PLA2G5: variants seen among roughly 807,000 people sequenced by gnomAD.
PLA2G5 encodes the protein Ca2+-dependent phospholipase A2.
In PLA2G5, 12 loss-of-function variants were observed where a neutral mutation model predicts 15.9. That is an observed-to-expected ratio of 0.76 (90% CI 0.48 to 1.23). PLA2G5 has a LOEUF of 1.23. PLA2G5 is among the 50% of genes most tolerant of loss of function. PLA2G5 has a pLI of 0.00. For missense variants in PLA2G5, 169 were observed against 177.1 expected (o/e 0.95, Z 0.26); for synonymous variants, 71 against 71.4 (o/e 0.99, Z 0.03).
At chr1:20,081,074 T>A (rs1013581118) in intron 1 of PLA2G5, among the ~76,000 whole-genome samples, 2 of 151,924 alleles carry the variant, frequency 1.3e-5, no homozygotes, top group Non-Finnish European at 2.9e-5. Context: ...GACCCGTCCC[T>A]TGGCAACCTG....
upstream of PLA2G5, chr1:20,068,939 G>C (rs775739221): frequency 1.6e-6 from 2 of 1,289,212 alleles, no homozygotes; most frequent in South Asian, 1.2e-5. Flanking sequence ...GCAGAGCCAG[G>C]AAGGACCCGG....
In PLA2G5 at chr1:20,090,871, C is replaced by G. The variant is rs1161940170; in HGVS notation, c.*179C>G. On this transcript the variant is annotated 3_prime_UTR_variant, in exon 5 of 5. Coordinates refer to ENST00000375108, the MANE Select transcript of PLA2G5 (RefSeq NM_000929.3). Reference sequence around the variant, plus strand: ...TCCAGCGAGTCCCAGGAGAGTGACTCTGGTCATAGGACTTGGTAGGGTCCC... The same window carrying G: ...TCCAGCGAGTCCCAGGAGAGTGACTGTGGTCATAGGACTTGGTAGGGTCCC... 3.2e-6 allele frequency: 2 copies of G among 627,834 alleles called. No individual in the cohort carries two copies. Among genetic ancestry groups the G allele is most frequent in the Non-Finnish European group, 2.8e-6 (1 of 362,216 alleles). 38.9% of individuals were successfully genotyped at this position (627,834 alleles called of 1,614,324 possible).
intron 1 of PLA2G5, among the ~76,000 whole-genome samples, chr1:20,041,000 A>G (rs971744519): frequency 6.6e-6 from 1 of 152,232 alleles, no homozygotes; most frequent in African/African-American, 2.4e-5. Flanking sequence ...ATGTATAAAA[A>G]CAAACTGTGC....
rs115129619 is a variant in PLA2G5, at chr1:20,048,202, C to G, written n.277-11430C>G. Among the ~76,000 whole-genome samples the G allele has an allele frequency of 3.3e-3, 503 of 152,156 alleles. 4 individuals are homozygous for G. Among genetic ancestry groups the G allele is most frequent in the African/African-American group, 0.012 (487 of 41,520 alleles). Reference sequence around the variant, plus strand: ...TATCAGGAAAAAAGAAAAGAGTAGTCAAATGCTTTTTCAAGTTTAATAACT... The same window carrying G: ...TATCAGGAAAAAAGAAAAGAGTAGTGAAATGCTTTTTCAAGTTTAATAACT... On this transcript the variant is annotated intron_variant and non_coding_transcript_variant, in intron 1 of 6. Coordinates refer to the PLA2G5 transcript ENST00000460175.
intron 1 of PLA2G5, among the ~76,000 whole-genome samples, chr1:20,082,967 A>G (rs2016106299): frequency 6.6e-6 from 1 of 152,014 alleles, no homozygotes; most frequent in Non-Finnish European, 1.5e-5. Context: ...TTCATTGAAC[A>G]AGTGACTGTT....
At chr1:20,087,996 T>C (rs1269497996) in intron 3 of PLA2G5, among the ~76,000 whole-genome samples, 1 of 152,160 alleles carries the variant, frequency 6.6e-6, no homozygotes, top group Admixed American at 6.5e-5. Flanking sequence ...GTCTAACCAG[T>C]ACCCCCTCAA....
chr1:20,032,582 A>G (rs2013018815), intron 1 of PLA2G5, among the ~76,000 whole-genome samples: 1 of 152,094 alleles, frequency 6.6e-6, no homozygotes. Context: ...CCTTAGTAAT[A>G]TCTTTGAGAT....
At chr1:20,084,471 T>C (rs2016186896) in intron 1 of PLA2G5, among the ~76,000 whole-genome samples, 1 of 152,204 alleles carries the variant, frequency 6.6e-6, no homozygotes. Flanking sequence ...CAAGTCCTGC[T>C]TCTCCACGTA....
At chr1:20,034,337 A>T (rs954939665) in intron 1 of PLA2G5, among the ~76,000 whole-genome samples, 3 of 152,140 alleles carry the variant, frequency 2.0e-5, no homozygotes, top group Non-Finnish European at 4.4e-5. Flanking sequence ...AAGTAGAAAG[A>T]CTTTGGGAAG....
intron 1 of PLA2G5, among the ~76,000 whole-genome samples, chr1:20,056,194 C>T (rs756620239): frequency 9.9e-5 from 15 of 152,090 alleles, no homozygotes; most frequent in Non-Finnish European, 2.2e-4. Flanking sequence ...CCAAAATACA[C>T]ATCCTCTTGC....
At chr1:20,085,201 A>G (rs2016225290) in intron 2 of PLA2G5, among the ~76,000 whole-genome samples, 1 of 152,154 alleles carries the variant, frequency 6.6e-6, no homozygotes, top group South Asian at 2.1e-4. Context: ...AAGATTTACA[A>G]AATCCCCCAA....
intron 1 of PLA2G5, among the ~76,000 whole-genome samples, chr1:20,051,043 A>G (rs1056312771): frequency 2.0e-5 from 3 of 152,096 alleles, no homozygotes; most frequent in African/African-American, 4.8e-5. Context: ...ATTCTGATTG[A>G]CTTAGTGTAT....
At chr1:20,050,007 C>G (rs2100399120) in intron 1 of PLA2G5, among the ~76,000 whole-genome samples, 1 of 152,212 alleles carries the variant, frequency 6.6e-6, no homozygotes, top group Non-Finnish European at 1.5e-5. Flanking sequence ...ACATAATATC[C>G]TGTGAAGTGC....
At chr1:20,077,795 G>T (rs1195431609) in intron 1 of PLA2G5, among the ~76,000 whole-genome samples, 1 of 152,148 alleles carries the variant, frequency 6.6e-6, no homozygotes, top group East Asian at 1.9e-4. Flanking sequence ...TTGAACACAC[G>T]TCTCTCCTAC....
At chr1:20,062,071 C>G (rs2014763466) in intron 2 of PLA2G5, among the ~76,000 whole-genome samples, 1 of 152,202 alleles carries the variant, frequency 6.6e-6, no homozygotes, top group Non-Finnish European at 1.5e-5. Flanking sequence ...GTGCCTGCTC[C>G]CTCTCCACCT....
At chr1:20,066,409 AG>A (rs778168296), upstream of PLA2G5, among the ~76,000 whole-genome samples, 5 of 152,238 alleles carry the variant, frequency 3.3e-5, no homozygotes, top group Non-Finnish European at 7.3e-5. Context: ...ATTTTAATAA[AG>A]TCCAACTTAA....
intron 2 of PLA2G5, among the ~76,000 whole-genome samples, chr1:20,085,229 CAAAACTCTTATCTAAA>C (rs990603712): frequency 1.9e-4 from 29 of 152,270 alleles, no homozygotes; most frequent in African/African-American, 7.0e-4. Flanking sequence ...AAATAAAAAT[CAAAACTCTTATCTAAA>C]TATCCCAACC....
At chr1:20,079,909 C>G (rs1332267958) in intron 1 of PLA2G5, among the ~76,000 whole-genome samples, 1 of 152,176 alleles carries the variant, frequency 6.6e-6, no homozygotes, top group Non-Finnish European at 1.5e-5. Context: ...GGGCTACCAC[C>G]TGGACGTGGC....
At chr1:20,039,786 ATTGCAGGC>A (rs2013485078) in intron 1 of PLA2G5, among the ~76,000 whole-genome samples, 1 of 152,140 alleles carries the variant, frequency 6.6e-6, no homozygotes, top group African/African-American at 2.4e-5. Context: ...TAGTTCAAGA[ATTGCAGGC>A]TTTTAATCAG....
Sources: allele counts gnomAD v4.1 joint callset (sites outside exome capture counted in the v4.1 genomes callset), GRCh38; gene constraint gnomAD v4.1.1; transcripts MANE v1.5; gene names NCBI Gene and HGNC (gene_info 2026-07-23, HGNC 2026-07-21).